The following LPIN1 variants were observed in gnomAD, a reference collection of about 807,000 sequenced individuals.
The protein encoded by LPIN1 is lipin 1, also known as phosphatidate phosphatase LPIN1.
A neutral mutation model predicts 107.5 loss-of-function variants in LPIN1; 71 were observed. The observed-to-expected ratio is 0.66, with a 90% CI of 0.55 to 0.80. LPIN1 has a LOEUF of 0.80. LPIN1 is among the 30% of genes least tolerant of loss of function. The pLI, the probability that LPIN1 is intolerant of heterozygous loss-of-function variation, is 0.00. For missense variants in LPIN1, 1,043 were observed against 1,160.6 expected, an observed-to-expected ratio of 0.90 and a Z score of 1.47; for synonymous variants, 445 against 452.6, an observed-to-expected ratio of 0.98 and a Z score of 0.21.
At position 11,804,524 on chromosome 2, in the gene LPIN1, C is replaced by G; in HGVS notation, c.2115C>G (p.Asn705Lys). Reference protein sequence around the residue: ...CRCEGTIYLWNWDDKVIISDI... With the variant: ...CRCEGTIYLWKWDDKVIISDI... ...GTGAGGGCACCATCTATCTGTGGAACTGGGATGATAAAGTCATCATTTCTG... is the reference window on the plus strand; with the variant it reads ...GTGAGGGCACCATCTATCTGTGGAAGTGGGATGATAAAGTCATCATTTCTG... Residue 705 changes from asparagine to lysine, a missense_variant, in exon 16 of 21, where the codon AAC becomes AAG. By Grantham distance (94) the Asn-to-Lys change is moderately conservative (BLOSUM62 0). Transcript: ENST00000674199. 6.2e-7 allele frequency: 1 copy of G among 1,614,202 alleles called. No homozygotes were observed.
intron 1 of LPIN1, among the ~76,000 whole-genome samples, chr2:11,706,477 C>T (rs1256865299): frequency 6.6e-6 from 1 of 152,070 alleles, no homozygotes; most frequent in Admixed American, 6.5e-5. Flanking sequence ...CTGGGTGGGC[C>T]CAATGTCATT....
intron 1 of LPIN1, among the ~76,000 whole-genome samples, chr2:11,762,851 C>T (rs1263475590): frequency 2.6e-5 from 4 of 152,160 alleles, no homozygotes; most frequent in East Asian, 3.9e-4. Flanking sequence ...GGTTCACACA[C>T]GTGGTGTTTC....
At chr2:11,802,847 A>G in intron 14 of LPIN1, 60 bp from the exon 15 acceptor site, 2 of 1,602,498 alleles carry the variant, frequency 1.2e-6, no homozygotes, top group Non-Finnish European at 1.7e-6. Context: ...AGGCTAATGC[A>G]TTTTTCATGG....
chr2:11,741,767 T>TGCCACTGCAA (rs1015385033), upstream of LPIN1, among the ~76,000 whole-genome samples: 1 of 147,086 alleles, frequency 6.8e-6, no homozygotes, highest in African/African-American at 2.7e-5. Context: ...GCCGAGATCG[T>TGCCACTGCAA]GCCACTGCAC....
In LPIN1 at chr2:11,713,593, GT is replaced by G. The variant is rs971687480; in HGVS notation, c.82-154del. 2.4e-4 allele frequency among the ~76,000 whole-genome samples: 36 copies of G among 151,758 alleles called. No individual in the cohort carries two copies. The East Asian group carries it at 6.2e-3, about 26-fold the overall frequency. On this transcript the variant is annotated intron_variant, in intron 1 of 21. Transcript: ENST00000449576. ...GTCACACATTCTTCTTCTTAATTTA[GT>G]TTTTTTTTAATTGGCATATAGCCTA...
intron 14 of LPIN1, among the ~76,000 whole-genome samples, chr2:11,801,604 T>G (rs989084983): frequency 4.6e-5 from 7 of 151,744 alleles, no homozygotes; most frequent in Non-Finnish European, 8.8e-5. Context: ...CTGGGAAGGG[T>G]AGAGGGGAGA....
At chr2:11,823,552 A>G (rs1215109604) in intron 20 of LPIN1, among the ~76,000 whole-genome samples, 1 of 152,076 alleles carries the variant, frequency 6.6e-6, no homozygotes, top group African/African-American at 2.4e-5. Flanking sequence ...ATTATTTTAT[A>G]CCTCAGAACA....
chr2:11,682,643 T>C (rs1185840296), intron 1 of LPIN1: 1 of 152,200 alleles, frequency 6.6e-6, no homozygotes, highest in East Asian at 1.9e-4. Flanking sequence ...GCTCTGAACA[T>C]AGCATTTAAG....
intron 1 of LPIN1, among the ~76,000 whole-genome samples, chr2:11,727,194 T>C (rs983297070): frequency 6.6e-6 from 1 of 152,262 alleles, no homozygotes; most frequent in Non-Finnish European, 1.5e-5. Flanking sequence ...TGGGGCATTC[T>C]AATGGTGATT....
chr2:11,693,203 A>AT (rs34503437), intron 1 of LPIN1, among the ~76,000 whole-genome samples: 4,447 of 135,170 alleles, frequency 0.033, 238 homozygotes, highest in African/African-American at 0.11. Flanking sequence ...CCTGAACAAC[A>AT]TTTTTTTTTT....
Position 11,774,486 on chromosome 2 carries a change from G to A in LPIN1, c.722+741G>A, listed in dbSNP as rs1461285633. Among the ~76,000 whole-genome samples the A allele has an allele frequency of 6.6e-6, 1 of 152,160 alleles. No individual in the cohort carries two copies. Among genetic ancestry groups the A allele is most frequent in the Non-Finnish European group, 1.5e-5 (1 of 68,026 alleles). On this transcript the variant is annotated intron_variant, in intron 5 of 20. Transcript: ENST00000674199. The surrounding 1 kb of genome is among the most constrained non-coding windows in gnomAD (Gnocchi z 4.4). ...GGCCACAGCATTAAAATCTCATGGT[G>A]GGTGGAGTTGGGCTATTAATTTCTC...
At chr2:11,800,149 G>A (rs1389477093) in intron 14 of LPIN1, among the ~76,000 whole-genome samples, 1 of 152,238 alleles carries the variant, frequency 6.6e-6, no homozygotes, top group African/African-American at 2.4e-5. Flanking sequence ...GGAATAGGTT[G>A]TTTGCTGTGC....
intron 17 of LPIN1, among the ~76,000 whole-genome samples, chr2:11,808,769 G>T (rs549070273): frequency 1.3e-5 from 2 of 151,798 alleles, no homozygotes; most frequent in Admixed American, 1.3e-4. Context: ...AGCTGCTCGG[G>T]AGGCTGAGGC....
intron 1 of LPIN1, among the ~76,000 whole-genome samples, chr2:11,759,139 T>TTCTC (rs1403081509): frequency 2.4e-5 from 2 of 83,202 alleles, no homozygotes; most frequent in South Asian, 3.8e-4. Flanking sequence ...TTTCTTTTCT[T>TTCTC]TCTTTCTTTC....
intron 1 of LPIN1, among the ~76,000 whole-genome samples, chr2:11,684,417 A>T (rs939667055): frequency 2.6e-5 from 4 of 152,136 alleles, no homozygotes; most frequent in Middle Eastern, 6.8e-3. Flanking sequence ...GCCTCAAATG[A>T]TCCTCCTGCT....
intron 1 of LPIN1, among the ~76,000 whole-genome samples, chr2:11,751,071 C>T (rs116722961): frequency 1.6e-3 from 237 of 152,316 alleles, no homozygotes; most frequent in African/African-American, 5.5e-3. Flanking sequence ...TTTTGCTCAG[C>T]ATAGTTGTCA....
intron 1 of LPIN1, among the ~76,000 whole-genome samples, chr2:11,754,763 T>C (rs1668402344): frequency 6.6e-6 from 1 of 152,142 alleles, no homozygotes; most frequent in African/African-American, 2.4e-5. Context: ...AATACCCTGC[T>C]CCCACACACA....
chr2:11,716,982 G>A (rs1663790604), intron 2 of LPIN1, among the ~76,000 whole-genome samples: 1 of 152,118 alleles, frequency 6.6e-6, no homozygotes. Context: ...CCAGTTACTG[G>A]AAACCATATT....
upstream of LPIN1, chr2:11,746,555 GCCCCGCCCCTGCCCTCTGC>G (rs1666942043): frequency 1.1e-5 from 7 of 629,026 alleles, no homozygotes; most frequent in Non-Finnish European, 1.4e-5. Flanking sequence ...CGCCCCGCTT[GCCCCGCCCCTGCCCTCTGC>G]CCCCGCCCCT....
Sources: gnomAD v4.1 joint callset for allele counts (sites outside exome capture counted in the v4.1 genomes callset) on GRCh38, gnomAD v4.1.1 for gene constraint, Gnocchi (gnomAD v3.1) non-coding constraint, MANE v1.5 for transcripts, NCBI Gene and HGNC (gene_info 2026-07-23, HGNC 2026-07-21) for gene names.